The following DPYS variants were observed in gnomAD, a reference collection of about 807,000 sequenced individuals.
DPYS encodes the protein dihydropyrimidinase, also known as dihydropyrimidine amidohydrolase.
In DPYS, 39 loss-of-function variants were observed where a neutral mutation model predicts 50.3. That is an observed-to-expected ratio of 0.78 (90% CI 0.60 to 1.01). The LOEUF (loss-of-function observed/expected upper bound fraction) is 1.01, where lower values mean the gene tolerates loss of function less well. Among genes scored for constraint, DPYS ranks in the 50% least tolerant of loss-of-function variants. The pLI, the probability that DPYS is intolerant of heterozygous loss-of-function variation, is 0.00. For synonymous variants in DPYS, 245 were observed against 250.7 expected, an observed-to-expected ratio of 0.98 and a Z score of 0.22; for missense variants, 659 against 680.9, an observed-to-expected ratio of 0.97 and a Z score of 0.36.
intron 7 of DPYS, among the ~76,000 whole-genome samples, chr8:104,418,076 G>T (rs546267529): frequency 2.2e-4 from 34 of 152,282 alleles, no homozygotes; most frequent in Middle Eastern, 3.4e-3. Flanking sequence ...TTTTAAAAAC[G>T]AAAACATCTA....
chr8:104,395,942 A>G (rs2140528708), intron 7 of DPYS, among the ~76,000 whole-genome samples: 1 of 152,316 alleles, frequency 6.6e-6, no homozygotes, highest in East Asian at 1.9e-4. Flanking sequence ...GGCGGGTACA[A>G]ATACACAATA....
chr8:104,465,978 G>A (rs1451971906), intron 1 of DPYS, among the ~76,000 whole-genome samples: 1 of 151,314 alleles, frequency 6.6e-6, no homozygotes, highest in East Asian at 1.9e-4. Flanking sequence ...GCGAGGCTGC[G>A]TTGGTGTGTG....
chr8:104,463,183 C>T (rs1160615763), intron 1 of DPYS, among the ~76,000 whole-genome samples: 2 of 152,258 alleles, frequency 1.3e-5, no homozygotes, highest in Non-Finnish European at 1.5e-5. Flanking sequence ...TATAATATAT[C>T]ATTTTTACTT....
At chr8:104,461,924 A>G (rs1814186865) in intron 1 of DPYS, among the ~76,000 whole-genome samples, 1 of 152,192 alleles carries the variant, frequency 6.6e-6, no homozygotes, top group Non-Finnish European at 1.5e-5. Context: ...ATTTGGTAGA[A>G]GGAAACAAAT....
At chr8:104,413,060 T>C (rs1188140268) in intron 7 of DPYS, among the ~76,000 whole-genome samples, 1 of 152,166 alleles carries the variant, frequency 6.6e-6, no homozygotes, top group Non-Finnish European at 1.5e-5. Flanking sequence ...AGGGGATAGA[T>C]GAATGCCCCA....
At chr8:104,409,324 A>G (rs1002890097) in intron 7 of DPYS, among the ~76,000 whole-genome samples, 6 of 151,820 alleles carry the variant, frequency 4.0e-5, no homozygotes, top group South Asian at 2.1e-4. Context: ...GTCTCTACTA[A>G]GAGTACAAAA....
chr8:104,448,158 T>C (rs1443213981), intron 2 of DPYS, among the ~76,000 whole-genome samples: 1 of 142,048 alleles, frequency 7.0e-6, no homozygotes, highest in African/African-American at 2.6e-5. Flanking sequence ...CAATTGCTCT[T>C]TTTTTTTTTT....
At chr8:104,425,107 G>A (rs1812678131) in intron 6 of DPYS, among the ~76,000 whole-genome samples, 1 of 152,070 alleles carries the variant, frequency 6.6e-6, no homozygotes, top group South Asian at 2.1e-4. Context: ...TGGGATTACA[G>A]GCGTGAGCCA....
intron 7 of DPYS, among the ~76,000 whole-genome samples, chr8:104,415,087 C>A (rs1473314046): frequency 6.6e-6 from 1 of 152,194 alleles, no homozygotes; most frequent in Non-Finnish European, 1.5e-5. Context: ...CACATTTGTC[C>A]ATTAGTATCT....
intron 7 of DPYS, among the ~76,000 whole-genome samples, chr8:104,414,686 A>T (rs1386896519): frequency 6.6e-6 from 1 of 152,166 alleles, no homozygotes; most frequent in Non-Finnish European, 1.5e-5. Flanking sequence ...TCTTTGCTGT[A>T]CAATAAGCAT....
intron 1 of DPYS, among the ~76,000 whole-genome samples, chr8:104,464,233 C>T (rs539950757): frequency 6.6e-5 from 10 of 152,224 alleles, no homozygotes; most frequent in East Asian, 5.8e-4. Flanking sequence ...ACAGACTATA[C>T]GCCATAAGGA....
At chr8:104,421,068 T>G (rs1812522256) in intron 7 of DPYS, 1 of 152,166 alleles carries the variant, frequency 6.6e-6, no homozygotes, top group African/African-American at 2.4e-5. Flanking sequence ...TTAAATGGCC[T>G]TCGATGGATC....
At chr8:104,466,031 C>A (rs1278118694) in intron 1 of DPYS, among the ~76,000 whole-genome samples, 1 of 151,940 alleles carries the variant, frequency 6.6e-6, no homozygotes, top group Non-Finnish European at 1.5e-5. Flanking sequence ...CTCTTCTAAA[C>A]CCTGGTCGGG....
At chr8:104,421,098 T>A (rs1438625562) in intron 7 of DPYS, 2 of 152,122 alleles carry the variant, frequency 1.3e-5, no homozygotes, top group African/African-American at 4.8e-5. Flanking sequence ...AACTTACACA[T>A]CAGGCTCTGG....
intron 4 of DPYS, among the ~76,000 whole-genome samples, chr8:104,441,589 C>G (rs903265669): frequency 6.6e-6 from 1 of 152,160 alleles, no homozygotes; most frequent in South Asian, 2.1e-4. Context: ...TGGCTGGTGC[C>G]GAAGATGGAG....
At chr8:104,422,939 A>AT (rs955408664) in intron 7 of DPYS, among the ~76,000 whole-genome samples, 2 of 151,970 alleles carry the variant, frequency 1.3e-5, no homozygotes, top group Non-Finnish European at 1.5e-5. Flanking sequence ...AATCCAAGCA[A>AT]TTTTTTTTCC....
At chr8:104,424,216 GA>G in intron 7 of DPYS, 30 bp downstream of exon 7, 1 of 1,613,978 alleles carries the variant, frequency 6.2e-7, no homozygotes, top group Non-Finnish European at 8.5e-7. Context: ...TCTCCACAAT[GA>G]AGCCAAGGAA....
intron 1 of DPYS, among the ~76,000 whole-genome samples, 162 bp downstream of exon 1, chr8:104,466,495 T>A (rs1311294258): frequency 6.6e-6 from 1 of 152,076 alleles, no homozygotes; most frequent in African/African-American, 2.4e-5. Flanking sequence ...GAAGAGAATC[T>A]GAGTCCCCTC....
intron 2 of DPYS, among the ~76,000 whole-genome samples, chr8:104,450,393 A>G (rs1388453036): frequency 1.3e-5 from 2 of 152,086 alleles, no homozygotes; most frequent in Non-Finnish European, 2.9e-5. Flanking sequence ...TTTGTGGGGG[A>G]TGTGAGATTA....
Sources: allele counts gnomAD v4.1 joint callset (sites outside exome capture counted in the v4.1 genomes callset), GRCh38; gene constraint gnomAD v4.1.1; transcripts MANE v1.5; gene names NCBI Gene and HGNC (gene_info 2026-07-23, HGNC 2026-07-21).